The following SUMF1 variants were observed in gnomAD, a reference collection of about 807,000 sequenced individuals.
SUMF1 encodes the protein sulfatase modifying factor 1, also known as formylglycine-generating enzyme.
A neutral mutation model predicts 47.6 loss-of-function variants in SUMF1; 48 were observed. The observed-to-expected ratio is 1.01, with a 90% CI of 0.80 to 1.28. The LOEUF (loss-of-function observed/expected upper bound fraction) is 1.28, where lower values mean the gene tolerates loss of function less well. Among genes scored for constraint, SUMF1 ranks in the 50% most tolerant of loss-of-function variants. SUMF1 has a pLI of 0.00. For synonymous variants in SUMF1, 230 were observed against 192.1 expected, an observed-to-expected ratio of 1.20 and a Z score of -1.63; for missense variants, 571 against 485.4, an observed-to-expected ratio of 1.18 and a Z score of -1.66.
chr3:4,295,615 CA>C (rs1697834416), intron 8 of SUMF1, among the ~76,000 whole-genome samples: 1 of 152,136 alleles, frequency 6.6e-6, no homozygotes, highest in Non-Finnish European at 1.5e-5. Flanking sequence ...GCCTTGGTAA[CA>C]GTATTTGAAT....
Position 4,130,605 on chromosome 3 carries a change from C to T in SUMF1, c.1015-61860G>A, listed in dbSNP as rs116803066. Among the ~76,000 whole-genome samples, 1,403 of 152,136 alleles carry T rather than the reference C, an allele frequency of 9.2e-3. 32 individuals are homozygous for T. The highest frequency in any genetic ancestry group is 0.033 in the African/African-American group (1,353 of 41,528). On this transcript the variant is annotated intron_variant and NMD_transcript_variant, in intron 8 of 12. Transcript: ENST00000448413. Reference sequence around the variant, plus strand: ...ATGAGAAATAAATCCAACTAAAATTCGGGGAACTTCTACCTCAGTACAATT... The same window carrying T: ...ATGAGAAATAAATCCAACTAAAATTTGGGGAACTTCTACCTCAGTACAATT...
At chr3:4,062,271 T>C (rs1695289823) in intron 9 of SUMF1, among the ~76,000 whole-genome samples, 1 of 152,136 alleles carries the variant, frequency 6.6e-6, no homozygotes. Context: ...AGTCTAGCCA[T>C]ATGACTTTGG....
At chr3:4,267,377 G>C (rs12496914) in intron 8 of SUMF1, among the ~76,000 whole-genome samples, 66,088 of 151,824 alleles carry the variant, frequency 0.44, 14,765 homozygotes, top group Non-Finnish European at 0.48. Context: ...GGTTGGTAAA[G>C]TATTGATTAT....
chr3:4,060,710 T>C (rs1300331291), intron 9 of SUMF1, among the ~76,000 whole-genome samples: 3 of 152,220 alleles, frequency 2.0e-5, no homozygotes, highest in African/African-American at 7.2e-5. Context: ...AAGAAAATTC[T>C]GTTTTTTCAG....
At chr3:4,326,521 G>GATTTTTT (rs1553556914) in intron 8 of SUMF1, among the ~76,000 whole-genome samples, 1,479 of 90,522 alleles carry the variant, frequency 0.016, 28 homozygotes, top group African/African-American at 0.11. Flanking sequence ...TTTTTCCAAG[G>GATTTTTT]GTTTTTTTTT....
chr3:4,429,438 C>T (rs1443652385), intron 3 of SUMF1, among the ~76,000 whole-genome samples: 2 of 152,138 alleles, frequency 1.3e-5, no homozygotes, highest in East Asian at 1.9e-4. Context: ...TATTTTTTCA[C>T]GCCTTACAAG....
chr3:4,359,150 G>A (rs1282990531), downstream of SUMF1, among the ~76,000 whole-genome samples: 2 of 152,154 alleles, frequency 1.3e-5, no homozygotes, highest in Non-Finnish European at 2.9e-5. Context: ...CCATTTTGCT[G>A]GTCTGCTCGT....
intron 8 of SUMF1, among the ~76,000 whole-genome samples, chr3:4,127,672 C>A (rs985689511): frequency 1.3e-4 from 20 of 152,074 alleles, no homozygotes; most frequent in Non-Finnish European, 7.3e-5. Context: ...ACTTAATAAA[C>A]CCCCCTTTGT....
chr3:4,279,253 C>G (rs1320629853), intron 8 of SUMF1, among the ~76,000 whole-genome samples: 2 of 152,056 alleles, frequency 1.3e-5, no homozygotes, highest in African/African-American at 4.8e-5. Flanking sequence ...CATTAAAAGT[C>G]AGATATGTGA....
chr3:4,363,007 GAAGAA>G (rs942305324), intron 8 of SUMF1, among the ~76,000 whole-genome samples: 3 of 152,154 alleles, frequency 2.0e-5, no homozygotes, highest in Admixed American at 1.3e-4. Context: ...CATGTGCCAA[GAAGAA>G]AAGACTGGAA....
At chr3:4,132,724 G>A (rs573449837) in intron 8 of SUMF1, among the ~76,000 whole-genome samples, 4 of 152,142 alleles carry the variant, frequency 2.6e-5, no homozygotes, top group South Asian at 4.2e-4. Flanking sequence ...GGGCTCCTCC[G>A]ACCTTTAAGT....
chr3:4,316,940 A>G, intron 8 of SUMF1: 12 of 1,549,386 alleles, frequency 7.7e-6, no homozygotes, highest in Non-Finnish European at 1.0e-5. Context: ...GAAAGGGCCC[A>G]ATTCTTCTCC....
chr3:4,093,068 G>A (rs927644452), intron 8 of SUMF1, among the ~76,000 whole-genome samples: 1 of 152,096 alleles, frequency 6.6e-6, no homozygotes, highest in Non-Finnish European at 1.5e-5. Flanking sequence ...TCTGATCCTG[G>A]TTCTGTCATT....
intron 8 of SUMF1, among the ~76,000 whole-genome samples, chr3:4,215,967 A>G (rs577111418): frequency 2.0e-5 from 3 of 152,218 alleles, no homozygotes; most frequent in Admixed American, 2.0e-4. Context: ...CATACTGCCC[A>G]AAGTAATTTA....
In SUMF1 at chr3:4,126,914, G is replaced by C. The variant is rs186811255; in HGVS notation, c.1015-58169C>G. Among the ~76,000 whole-genome samples the C allele has an allele frequency of 1.8e-4, 27 of 152,182 alleles. 1 individual carries two copies. The highest frequency in any genetic ancestry group is 6.5e-4 in the African/African-American group (27 of 41,516). ...TAAATCTCTAATATTCTTCCCTGAG[G>C]TAAGTCACTGATACTTAAAAGAGGG... is the stretch of plus-strand genomic sequence containing the variant. On this transcript the variant is annotated intron_variant and NMD_transcript_variant, in intron 8 of 12. Transcript: ENST00000448413.
chr3:4,092,527 T>A (rs1336236373), intron 8 of SUMF1, among the ~76,000 whole-genome samples: 1 of 152,180 alleles, frequency 6.6e-6, no homozygotes, highest in Non-Finnish European at 1.5e-5. Flanking sequence ...AGTTAAGCCT[T>A]TCCTAAGTGA....
At chr3:4,242,254 G>T (rs189491839) in intron 8 of SUMF1, among the ~76,000 whole-genome samples, 11 of 152,070 alleles carry the variant, frequency 7.2e-5, no homozygotes, top group Non-Finnish European at 1.5e-4. Flanking sequence ...TTTCCTAATT[G>T]AATACACTTT....
In SUMF1 at chr3:4,288,809, A is replaced by G. The variant is rs889047488; in HGVS notation, c.1014+87521T>C. Among the ~76,000 whole-genome samples, 11 of 151,726 alleles carry G rather than the reference A, an allele frequency of 7.2e-5. 2 individuals are homozygous for G. The highest frequency in any genetic ancestry group is 6.6e-5 in the Admixed American group (1 of 15,230). Reference sequence around the variant, plus strand: ...ACAGAGCGAGACTCTGTCTAGAAAAAAAAAAAAATTGAACCTACAAAGCCC... The same window carrying G: ...ACAGAGCGAGACTCTGTCTAGAAAAGAAAAAAAATTGAACCTACAAAGCCC... On this transcript the variant is annotated intron_variant and NMD_transcript_variant, in intron 8 of 12. Coordinates refer to the SUMF1 transcript ENST00000448413.
chr3:4,455,020 A>G (rs1703108609), intron 1 of SUMF1, among the ~76,000 whole-genome samples: 1 of 152,232 alleles, frequency 6.6e-6, no homozygotes, highest in Non-Finnish European at 1.5e-5. Context: ...CCTCATAACT[A>G]TATTAAAAAC....
Sources: allele counts gnomAD v4.1 joint callset (sites outside exome capture counted in the v4.1 genomes callset), GRCh38; gene constraint gnomAD v4.1.1; transcripts MANE v1.5; gene names NCBI Gene and HGNC (gene_info 2026-07-23, HGNC 2026-07-21).